Variants in ANKH observed in about 807,000 individuals in gnomAD.
The protein encoded by ANKH is ANKH inorganic pyrophosphate transport regulator, also known as mineralization regulator ANKH.
Under a neutral mutation model 49.0 loss-of-function variants are expected in ANKH, and 15 were observed. That is an observed-to-expected ratio of 0.31 (90% CI 0.20 to 0.47). The LOEUF (loss-of-function observed/expected upper bound fraction) is 0.47. ANKH is among the 20% of genes least tolerant of loss of function. The pLI is 1.00. For synonymous variants in ANKH, 273 were observed against 260.0 expected (o/e 1.05, Z -0.48); for missense variants, 429 against 652.0 (o/e 0.66, Z 3.72).
At chr5:14,754,894 G>T (rs1029573975) in intron 4 of ANKH, among the ~76,000 whole-genome samples, 1 of 152,040 alleles carries the variant, frequency 6.6e-6, no homozygotes, top group East Asian at 1.9e-4. Context: ...TCGCCAATAT[G>T]AAGAAGCCCC....
At chr5:14,843,549 GAAAAAAA>G (rs60487783) in intron 1 of ANKH, among the ~76,000 whole-genome samples, 4 of 61,034 alleles carry the variant, frequency 6.6e-5, no homozygotes, top group African/African-American at 1.4e-4. Flanking sequence ...GGGGATTAGC[GAAAAAAA>G]AAAAAAAAAA....
At chr5:14,791,858 C>T (rs911834056) in intron 1 of ANKH, among the ~76,000 whole-genome samples, 1 of 152,194 alleles carries the variant, frequency 6.6e-6, no homozygotes, top group Non-Finnish European at 1.5e-5. Flanking sequence ...CCAGCAATTG[C>T]TTGGCTAAGA....
chr5:14,712,409 C>G (rs1401718385), intron 11 of ANKH, among the ~76,000 whole-genome samples: 1 of 152,244 alleles, frequency 6.6e-6, no homozygotes, highest in Non-Finnish European at 1.5e-5. Context: ...TCAGAAGGGC[C>G]CTTGCGCAAG....
chr5:14,738,566 C>T (rs1259664079), intron 8 of ANKH, among the ~76,000 whole-genome samples: 1 of 152,178 alleles, frequency 6.6e-6, no homozygotes, highest in Non-Finnish European at 1.5e-5. Context: ...ACCAAGTGTG[C>T]TGCTCTCAAG....
At chr5:14,780,046 A>T (rs112561157) in intron 1 of ANKH, among the ~76,000 whole-genome samples, 5 of 147,514 alleles carry the variant, frequency 3.4e-5, no homozygotes, top group Non-Finnish European at 6.0e-5. Context: ...CATTCAAAGG[A>T]TAACAGCTTT....
intron 2 of ANKH, among the ~76,000 whole-genome samples, chr5:14,760,072 G>C (rs1739029433): frequency 6.6e-6 from 1 of 152,160 alleles, no homozygotes; most frequent in Non-Finnish European, 1.5e-5. Context: ...GAGAGTGCAG[G>C]AGGAAAGCTC....
At chr5:14,718,347 GC>G (rs1456874960) in intron 8 of ANKH, among the ~76,000 whole-genome samples, 1 of 152,038 alleles carries the variant, frequency 6.6e-6, no homozygotes, top group East Asian at 1.9e-4. Context: ...TTTGACAAAG[GC>G]CTCCAATGTG....
intron 1 of ANKH, among the ~76,000 whole-genome samples, chr5:14,843,206 C>T (rs1341697532): frequency 1.4e-5 from 2 of 145,990 alleles, no homozygotes; most frequent in African/African-American, 5.1e-5. Context: ...AGAAGAGACT[C>T]GTTCTGTTGC....
chr5:14,859,512 C>T (rs1358019393), intron 1 of ANKH, among the ~76,000 whole-genome samples: 3 of 152,202 alleles, frequency 2.0e-5, no homozygotes, highest in Non-Finnish European at 4.4e-5. Context: ...ATTTTACAAA[C>T]TCTCCACCTG....
intron 1 of ANKH, among the ~76,000 whole-genome samples, chr5:14,866,416 C>T (rs370538033): frequency 2.0e-5 from 3 of 152,162 alleles, no homozygotes; most frequent in East Asian, 3.8e-4. Flanking sequence ...TTCACAGCAA[C>T]GTTGCCCTTA....
intron 1 of ANKH, among the ~76,000 whole-genome samples, chr5:14,823,753 C>T (rs1741261223): frequency 6.6e-6 from 1 of 152,162 alleles, no homozygotes. Flanking sequence ...ATGGTGAAAT[C>T]CTGTCTCCAC....
chr5:14,751,008 G>A (rs1561037871), intron 5 of ANKH, 61 bp downstream of exon 5: 4 of 1,584,216 alleles, frequency 2.5e-6, no homozygotes, highest in East Asian at 2.2e-5. Flanking sequence ...ACATAGAGGT[G>A]GAATACAGTT....
intron 1 of ANKH, among the ~76,000 whole-genome samples, chr5:14,837,505 C>T (rs1251745432): frequency 6.6e-6 from 1 of 152,158 alleles, no homozygotes; most frequent in Non-Finnish European, 1.5e-5. Flanking sequence ...TTTATACAGC[C>T]AACAGACACA....
At chr5:14,746,446 CACA>C (rs1216294795) in intron 6 of ANKH, among the ~76,000 whole-genome samples, 2 of 152,068 alleles carry the variant, frequency 1.3e-5, no homozygotes, top group African/African-American at 2.4e-5. Flanking sequence ...GGGTAGGGGC[CACA>C]ACAAGATCAG....
Position 14,813,357 on chromosome 5 carries a change from C to A in ANKH, c.97-44166G>T, listed in dbSNP as rs571940947. ...TTAAAGACAGGCCCATAGATACTCA[C>A]AGGGTATCAGCAAAAGTACTTGCAG... On this transcript the variant is annotated intron_variant, in intron 1 of 11. Transcript: ENST00000284268. 2.0e-5 allele frequency among the ~76,000 whole-genome samples: 3 copies of A among 152,042 alleles called. No homozygotes were observed. The East Asian group carries it at 5.8e-4, about 29-fold the overall frequency.
intron 1 of ANKH, among the ~76,000 whole-genome samples, chr5:14,821,299 C>A (rs1480099944): frequency 6.6e-6 from 1 of 152,138 alleles, no homozygotes; most frequent in Non-Finnish European, 1.5e-5. Flanking sequence ...ACCCAAAGGT[C>A]ATAGCTTCTT....
chr5:14,729,458 G>C (rs1167152120), intron 8 of ANKH, among the ~76,000 whole-genome samples: 1 of 150,646 alleles, frequency 6.6e-6, no homozygotes, highest in African/African-American at 2.4e-5. Flanking sequence ...AAAGTGCTGG[G>C]ATTACAGGTT....
intron 1 of ANKH, among the ~76,000 whole-genome samples, chr5:14,783,331 C>CACACACA (rs1330744427): frequency 1.4e-5 from 2 of 142,442 alleles, no homozygotes; most frequent in Non-Finnish European, 1.6e-5. Context: ...CACACACACA[C>CACACACA]CACACATGGA....
chr5:14,796,998 T>C, intron 1 of ANKH: 1 of 1,128,118 alleles, frequency 8.9e-7, no homozygotes, highest in Non-Finnish European at 1.2e-6. Context: ...GCTAATAGCA[T>C]TATCGGTGGT....
Sources: allele counts gnomAD v4.1 joint callset (sites outside exome capture counted in the v4.1 genomes callset), GRCh38; gene constraint gnomAD v4.1.1; transcripts MANE v1.5; gene names NCBI Gene and HGNC (gene_info 2026-07-23, HGNC 2026-07-21).